The following CACNA1B variants were observed in gnomAD, a reference collection of about 807,000 sequenced individuals.
CACNA1B encodes the protein calcium voltage-gated channel subunit alpha1 B, also known as voltage-dependent N-type calcium channel subunit alpha-1B.
Under a neutral mutation model 247.2 loss-of-function variants are expected in CACNA1B, and 70 were observed. That is an observed-to-expected ratio of 0.28 (90% CI 0.23 to 0.35). The LOEUF (loss-of-function observed/expected upper bound fraction) is 0.35, where lower values mean the gene tolerates loss of function less well. CACNA1B is among the 10% of genes least tolerant of loss of function. The pLI is 1.00. For synonymous variants in CACNA1B, 1,231 were observed against 1,294.4 expected (o/e 0.95, Z 1.05); for missense variants, 2,367 against 3,197.4 (o/e 0.74, Z 6.26).
At position 138,053,993 on chromosome 9, in the gene CACNA1B, G is replaced by C. The variant is rs768464282; in HGVS notation, c.3955G>C (p.Glu1319Gln). ...CTGCACAGATGAATCCAAGGAGCTG[G>C]AGAGGGACTGCAGGTAAACTGAGGC... Reference protein sequence around the residue: ...FYCTDESKELERDCRGQYLDY... With the variant: ...FYCTDESKELQRDCRGQYLDY... Residue 1319 changes from glutamate (E) to glutamine (Q), a missense_variant, in exon 26 of 47, where the codon GAG becomes CAG. Glu to Gln is a conservative substitution (Grantham distance 29). Coordinates refer to ENST00000371372, the MANE Select transcript of CACNA1B (RefSeq NM_000718.4). The C allele has an allele frequency of 6.2e-7, 1 of 1,613,962 alleles. No individual in the cohort carries two copies. The highest frequency in any genetic ancestry group is 1.7e-5 in the Admixed American group (1 of 60,030).
Position 138,121,981 on chromosome 9 carries a change from C to A in CACNA1B, c.7002C>A (p.Asp2334Glu). 1 of 1,600,234 alleles carries A rather than the reference C, an allele frequency of 6.2e-7. No individual in the cohort carries two copies. The highest frequency in any genetic ancestry group is 8.5e-7 in the Non-Finnish European group (1 of 1,179,472). The change falls in exon 47 of 47, where the codon GAC becomes GAA. Residue 2334 changes from aspartate to glutamate, a missense_variant. This residue lies in a region of CACNA1B where 773 missense variants were observed against 779.4 expected (regional missense o/e 0.99). Transcript: ENST00000371372. This position sits in a 1 kb window ranked among gnomAD's most constrained non-coding sequence, Gnocchi z 6.8. ...GRARHSYHHP[D>E]QDHWC ...CACGGCACAGCTACCACCACCCTGA[C>A]CAAGACCACTGGTGCTAGCTGCACC... is the stretch of plus-strand genomic sequence containing the variant.
intron 12 of CACNA1B, among the ~76,000 whole-genome samples, chr9:137,980,969 A>G (rs984357959): frequency 3.9e-5 from 6 of 152,224 alleles, no homozygotes; most frequent in African/African-American, 1.4e-4. Flanking sequence ...GAACAAATGC[A>G]TGTGTCTTTT....
Position 137,899,041 on chromosome 9 carries a change from G to A in CACNA1B, c.531-14139G>A, listed in dbSNP as rs865876935. On this transcript the variant is annotated intron_variant, in intron 3 of 46. Coordinates refer to ENST00000371372, the MANE Select transcript of CACNA1B (RefSeq NM_000718.4). The surrounding 1 kb of genome is among the most constrained non-coding windows in gnomAD (Gnocchi z 5.0). ...CCCGCCTCAGCTTTCCAAAGTGCTGGGATTGTAGGTGTGAGCCACCCTGCC... is the reference window on the plus strand; with the variant it reads ...CCCGCCTCAGCTTTCCAAAGTGCTGAGATTGTAGGTGTGAGCCACCCTGCC... 6.6e-6 allele frequency among the ~76,000 whole-genome samples: 1 copy of A among 151,744 alleles called. No homozygotes were observed. The highest frequency in any genetic ancestry group is 1.5e-5 in the Non-Finnish European group (1 of 67,954).
intron 15 of CACNA1B, among the ~76,000 whole-genome samples, chr9:137,999,180 G>C (rs777241592): frequency 3.3e-5 from 5 of 151,980 alleles, no homozygotes; most frequent in Non-Finnish European, 7.4e-5. Flanking sequence ...AGCCAGGTGT[G>C]GTGGTGGGTG....
At chr9:138,048,966 C>T (rs1959207908) in intron 23 of CACNA1B, among the ~76,000 whole-genome samples, 2 of 152,242 alleles carry the variant, frequency 1.3e-5, no homozygotes, top group African/African-American at 4.8e-5. Context: ...GATCCACCCG[C>T]CTCAGCCTCC....
intron 6 of CACNA1B, among the ~76,000 whole-genome samples, chr9:137,918,038 C>T (rs78991530): frequency 0.03 from 4,541 of 152,340 alleles, 88 homozygotes; most frequent in South Asian, 0.078. Flanking sequence ...TCCTCGGTCA[C>T]GCAGGGATTC....
chr9:138,024,889 C>T, intron 19 of CACNA1B, 66 bp from the exon 20 acceptor site: 2 of 1,160,610 alleles, frequency 1.7e-6, no homozygotes, highest in African/African-American at 1.5e-5. Context: ...CTGCCTCTGC[C>T]TCCCGGTGCC....
Position 138,108,227 on chromosome 9 carries a change from C to G in CACNA1B, c.5428+2420C>G, listed in dbSNP as rs964022584. ...TGGTGAACGCCTGTGCTCCCAGCTGCTTGGGGAGGCTGAGGTAGGAGGAAT... is the reference window on the plus strand; with the variant it reads ...TGGTGAACGCCTGTGCTCCCAGCTGGTTGGGGAGGCTGAGGTAGGAGGAAT... On this transcript the variant is annotated intron_variant, in intron 39 of 46. Coordinates refer to ENST00000371372, the MANE Select transcript of CACNA1B (RefSeq NM_000718.4). 3.6e-5 allele frequency among the ~76,000 whole-genome samples: 5 copies of G among 137,440 alleles called. No individual in the cohort carries two copies. The East Asian group carries it at 1.2e-3, about 32-fold the overall frequency. 90.2% of individuals were successfully genotyped at this position (137,440 alleles called of 152,430 possible). A position where few individuals can be genotyped will look rare whatever the true frequency, so the allele number is the denominator to read the frequency against.
rs367632885 is a variant in CACNA1B at position 138,059,127 on chromosome 9, A to G, written c.4522A>G (p.Ile1508Val). ...CGAGCTGATGCTGAAATGCCTGAAC[A>G]TCGTGTTCACATCCATGTTCTCCAT... Reference protein sequence around the residue: ...EYELMLKCLNIVFTSMFSMEC... With the variant: ...EYELMLKCLNVVFTSMFSMEC... The change falls in exon 30 of 47, where the codon ATC becomes GTC. Residue 1508 changes from isoleucine to valine, a missense_variant. This residue lies in a region of CACNA1B where 436 missense variants were observed against 679.5 expected (regional missense o/e 0.64). Coordinates refer to ENST00000371372, the MANE Select transcript of CACNA1B (RefSeq NM_000718.4). The surrounding 1 kb of genome is among the most constrained non-coding windows in gnomAD (Gnocchi z 4.2). The G allele has an allele frequency of 6.2e-6, 10 of 1,613,258 alleles. No homozygotes were observed. The highest frequency in any genetic ancestry group is 2.7e-5 in the African/African-American group (2 of 74,912).
At chr9:137,976,549 A>G (rs1420084020) in intron 12 of CACNA1B, among the ~76,000 whole-genome samples, 1 of 151,888 alleles carries the variant, frequency 6.6e-6, no homozygotes, top group Non-Finnish European at 1.5e-5. Context: ...TTCCCAGCTT[A>G]CCATGACAGT....
chr9:137,988,189 C>T (rs531762206), intron 15 of CACNA1B, among the ~76,000 whole-genome samples: 29 of 152,310 alleles, frequency 1.9e-4, no homozygotes, highest in African/African-American at 6.5e-4. Flanking sequence ...AGCCACACGA[C>T]GGGGAGGTCA....
intron 18 of CACNA1B, among the ~76,000 whole-genome samples, chr9:138,015,823 C>A (rs1419865023): frequency 6.6e-6 from 1 of 152,206 alleles, no homozygotes; most frequent in Non-Finnish European, 1.5e-5. Context: ...TCAGGTGACA[C>A]TGCTTAAAGG....
At chr9:138,002,489 G>A (rs1366344903) in intron 15 of CACNA1B, among the ~76,000 whole-genome samples, 5 of 150,344 alleles carry the variant, frequency 3.3e-5, no homozygotes, top group African/African-American at 9.8e-5. Context: ...TGGGAGTATC[G>A]CTTGAGGCTC....
rs140299205 is a variant in CACNA1B, at chr9:137,895,076, T to C, written c.530+12193T>C. ...TTGTTTTTTGCCTGTGGGTGTCCAG[T>C]GGCACCAGCACCATTTGTTGAAAGG... is the stretch of plus-strand genomic sequence containing the variant. On this transcript the variant is annotated intron_variant, in intron 3 of 46. Transcript: ENST00000371372. Among the ~76,000 whole-genome samples the C allele has an allele frequency of 1.2e-3, 178 of 152,356 alleles. No homozygotes were observed. The South Asian group carries it at 0.016, about 13-fold the overall frequency.
intron 18 of CACNA1B, 103 bp from the exon 19 acceptor site, chr9:138,022,908 C>T (rs1236075147): frequency 1.4e-5 from 19 of 1,355,000 alleles, no homozygotes; most frequent in Non-Finnish European, 1.7e-5. Context: ...CGCCTCCCAC[C>T]TCCCTGCGCC....
intron 36 of CACNA1B, among the ~76,000 whole-genome samples, chr9:138,087,240 G>A (rs1447513473): frequency 2.7e-5 from 4 of 149,774 alleles, no homozygotes; most frequent in African/African-American, 5.0e-5. Flanking sequence ...ATAAAAATTA[G>A]CGGGCATGGT....
chr9:137,959,591 A>T (rs1178804222), intron 10 of CACNA1B, among the ~76,000 whole-genome samples: 1 of 152,154 alleles, frequency 6.6e-6, no homozygotes, highest in Admixed American at 6.5e-5. Flanking sequence ...AAAGAAAAAA[A>T]AAAAGGATTT....
intron 31 of CACNA1B, among the ~76,000 whole-genome samples, chr9:138,068,911 G>A (rs965111110): frequency 6.6e-6 from 1 of 152,208 alleles, no homozygotes; most frequent in African/African-American, 2.4e-5. Flanking sequence ...CAGCCAGACT[G>A]ACCCACACTC....
chr9:138,107,287 C>G (rs1040969289), intron 39 of CACNA1B, among the ~76,000 whole-genome samples: 1 of 150,214 alleles, frequency 6.7e-6, no homozygotes, highest in Non-Finnish European at 1.5e-5. Flanking sequence ...CACTGTGTCA[C>G]CCAGGCTGGA....
Sources: gnomAD v4.1 joint callset for allele counts (sites outside exome capture counted in the v4.1 genomes callset) on GRCh38, gnomAD v4.1.1 for gene constraint, gnomAD v4.1.1 regional missense constraint, Gnocchi (gnomAD v3.1) non-coding constraint, MANE v1.5 for transcripts, NCBI Gene and HGNC (gene_info 2026-07-23, HGNC 2026-07-21) for gene names.